The following MED27 variants were observed in gnomAD, a reference collection of about 807,000 sequenced individuals.
MED27 encodes mediator complex subunit 27, also known as mediator of RNA polymerase II transcription subunit 27.
A neutral mutation model predicts 38.2 loss-of-function variants in MED27; 30 were observed. The observed-to-expected ratio is 0.79, with a 90% CI of 0.59 to 1.07. The LOEUF is 1.07. MED27 is among the 50% of genes least tolerant of loss of function. MED27 has a pLI of 0.00. For synonymous variants in MED27, 122 were observed against 153.5 expected (o/e 0.79, Z 1.52); for missense variants, 289 against 397.5 (o/e 0.73, Z 2.32).
intron 2 of MED27, among the ~76,000 whole-genome samples, chr9:132,040,670 T>C (rs953605048): frequency 6.6e-6 from 1 of 152,078 alleles, no homozygotes; most frequent in South Asian, 2.1e-4. Flanking sequence ...GACATGAAGG[T>C]CCCAGCAAGG....
At chr9:132,042,203 A>G (rs1406986844) in intron 2 of MED27, among the ~76,000 whole-genome samples, 1 of 152,186 alleles carries the variant, frequency 6.6e-6, no homozygotes, top group African/African-American at 2.4e-5. Context: ...TGGCTTAAGG[A>G]TGACAAAGAT....
At chr9:132,013,454 C>T (rs1254808211) in intron 3 of MED27, among the ~76,000 whole-genome samples, 4 of 152,150 alleles carry the variant, frequency 2.6e-5, no homozygotes, top group Non-Finnish European at 1.5e-5. Flanking sequence ...TGAGGAGGAA[C>T]CCTTATGGGA....
At chr9:131,951,775 C>T (rs1831002250) in intron 3 of MED27, among the ~76,000 whole-genome samples, 1 of 152,164 alleles carries the variant, frequency 6.6e-6, no homozygotes, top group Non-Finnish European at 1.5e-5. Flanking sequence ...TTAGGAACTT[C>T]TGTTTGTGTC....
At chr9:132,014,616 G>T in intron 2 of MED27, 149 bp from the exon 3 acceptor site, 1 of 769,214 alleles carries the variant, frequency 1.3e-6, no homozygotes, top group Non-Finnish European at 2.0e-6. Context: ...CTGCTTCAAG[G>T]AATTTACCCA....
intron 2 of MED27, among the ~76,000 whole-genome samples, chr9:132,038,796 G>A (rs1833140752): frequency 6.6e-6 from 1 of 152,122 alleles, no homozygotes; most frequent in Non-Finnish European, 1.5e-5. Context: ...TGAATCAGCA[G>A]GAGACAGGGA....
intron 6 of MED27, among the ~76,000 whole-genome samples, chr9:131,882,965 T>C (rs1395375064): frequency 6.6e-6 from 1 of 151,576 alleles, no homozygotes; most frequent in South Asian, 2.1e-4. Context: ...TGGAGTGCAA[T>C]GGCACAATCT....
At chr9:132,030,581 C>CT (rs1832937303) in intron 2 of MED27, among the ~76,000 whole-genome samples, 1 of 152,184 alleles carries the variant, frequency 6.6e-6, no homozygotes. Context: ...CGTTATTACT[C>CT]TATTTCAAAG....
intron 4 of MED27, among the ~76,000 whole-genome samples, chr9:131,927,454 A>G (rs1187020913): frequency 6.6e-6 from 1 of 152,254 alleles, no homozygotes; most frequent in Non-Finnish European, 1.5e-5. Flanking sequence ...ATGGACAAAC[A>G]GATACATATG....
At chr9:131,943,158 A>T (rs1265525696) in intron 3 of MED27, among the ~76,000 whole-genome samples, 1 of 152,172 alleles carries the variant, frequency 6.6e-6, no homozygotes, top group Non-Finnish European at 1.5e-5. Context: ...TACAGGTGAC[A>T]TTATGTATTT....
In MED27 at chr9:131,923,326, T is replaced by G. The variant is rs545794723; in HGVS notation, c.573+16055A>C. ...GAAACTTGGCTCCCATTATCCACAATTTATTTCCGTATTTGCTCAAACCTA... is the reference window on the plus strand; with the variant it reads ...GAAACTTGGCTCCCATTATCCACAAGTTATTTCCGTATTTGCTCAAACCTA... On this transcript the variant is annotated intron_variant, in intron 4 of 7. Transcript: ENST00000292035. Among the ~76,000 whole-genome samples, 24 of 152,322 alleles carry G rather than the reference T, an allele frequency of 1.6e-4. 1 individual carries two copies. In the South Asian group the frequency reaches 5.0e-3, roughly 32 times the overall value.
intron 4 of MED27, among the ~76,000 whole-genome samples, chr9:131,931,724 T>C (rs1295232888): frequency 1.3e-5 from 2 of 151,988 alleles, no homozygotes; most frequent in Non-Finnish European, 2.9e-5. Context: ...TTACACAAAA[T>C]AGATTTCAAG....
intron 2 of MED27, among the ~76,000 whole-genome samples, chr9:132,067,678 C>A (rs1833838620): frequency 6.6e-6 from 1 of 152,140 alleles, no homozygotes; most frequent in South Asian, 2.1e-4. Context: ...AAAAAGCAAG[C>A]AAGCATGCAA....
rs372615220 is a variant in MED27 at position 131,921,021 on chromosome 9, A to AT, written c.573+18359dup. 2.4e-4 allele frequency among the ~76,000 whole-genome samples: 37 copies of AT among 152,294 alleles called. No individual in the cohort carries two copies. In the East Asian group the frequency reaches 7.1e-3, roughly 29 times the overall value. Reference sequence around the variant, plus strand: ...TGAGGGACCAGAGGCTTGGAGAGGGATGGCGGCATTGCGGAGAGTAGAAGC... The same window carrying AT: ...TGAGGGACCAGAGGCTTGGAGAGGGATTGGCGGCATTGCGGAGAGTAGAAGC... On this transcript the variant is annotated intron_variant, in intron 4 of 7. Coordinates refer to ENST00000292035, the MANE Select transcript of MED27 (RefSeq NM_004269.4).
intron 3 of MED27, among the ~76,000 whole-genome samples, chr9:131,970,280 G>A (rs1020258788): frequency 5.3e-5 from 8 of 152,236 alleles, no homozygotes; most frequent in Admixed American, 2.0e-4. Context: ...CCGGCGGGAC[G>A]CCCGGAGTGG....
intron 3 of MED27, among the ~76,000 whole-genome samples, chr9:131,988,757 C>A (rs1333499299): frequency 3.3e-5 from 5 of 152,184 alleles, no homozygotes; most frequent in African/African-American, 1.2e-4. Context: ...GGATAACAGG[C>A]ATGCACCACT....
intron 2 of MED27, among the ~76,000 whole-genome samples, chr9:132,047,501 A>G (rs1342260787): frequency 1.3e-5 from 2 of 151,672 alleles, no homozygotes; most frequent in Non-Finnish European, 2.9e-5. Flanking sequence ...GAACCTGTAT[A>G]GTGGTTCAAA....
intron 3 of MED27, among the ~76,000 whole-genome samples, chr9:131,987,034 A>C (rs1831866964): frequency 1.0e-5 from 1 of 97,064 alleles, no homozygotes; most frequent in South Asian, 3.4e-4. Context: ...TTTTTTTAGA[A>C]TACTACTATC....
intron 4 of MED27, among the ~76,000 whole-genome samples, chr9:131,937,502 A>G (rs1166547795): frequency 1.1e-4 from 16 of 152,198 alleles, no homozygotes; most frequent in Admixed American, 5.9e-4. Flanking sequence ...CAGAAGCTCC[A>G]TGGGAAAGCA....
At chr9:131,863,527 CG>C (rs1259569408) in intron 6 of MED27, among the ~76,000 whole-genome samples, 3 of 152,320 alleles carry the variant, frequency 2.0e-5, no homozygotes, top group Admixed American at 2.0e-4. Flanking sequence ...CACTTCCGCC[CG>C]GTACGCACAC....
Sources: allele counts gnomAD v4.1 joint callset (sites outside exome capture counted in the v4.1 genomes callset), GRCh38; gene constraint gnomAD v4.1.1; transcripts MANE v1.5; gene names NCBI Gene and HGNC (gene_info 2026-07-23, HGNC 2026-07-21).